The following CCL25 variants were observed in gnomAD, a reference collection of about 807,000 sequenced individuals.
CCL25 encodes C-C motif chemokine ligand 25, also known as C-C motif chemokine 25.
Under a neutral mutation model 19.9 loss-of-function variants are expected in CCL25, and 14 were observed. That is an observed-to-expected ratio of 0.70 (90% CI 0.47 to 1.10). The LOEUF (loss-of-function observed/expected upper bound fraction) is 1.10. Among genes scored for constraint, CCL25 ranks in the 50% least tolerant of loss-of-function variants. The probability of loss-of-function intolerance (pLI) is 0.00; values close to 1 mark genes in which losing one functional copy is unlikely to be tolerated. For missense variants in CCL25, 151 were observed against 181.2 expected (o/e 0.83, Z 0.96); for synonymous variants, 68 against 73.2 (o/e 0.93, Z 0.36).
At chr19:8,056,060 G>A in intron 2 of CCL25, 92 bp from the exon 3 acceptor site, 2 of 828,918 alleles carry the variant, frequency 2.4e-6, no homozygotes, top group Non-Finnish European at 3.9e-6. Context: ...GGTATGAGCA[G>A]ACAGGTATGC....
At position 8,058,019 on chromosome 19, in the gene CCL25, A is replaced by G. The variant is rs1457066284; in HGVS notation, c.445+99A>G. The G allele has an allele frequency of 1.4e-5, 21 of 1,504,114 alleles. No homozygotes were observed. In the East Asian group the frequency reaches 1.5e-4, roughly 11 times the overall value. The allele number at this position is 1,504,114 out of a possible 1,614,324, so 93.2% of individuals were successfully genotyped here. ...ACACTGGGACAGGAGATTCACCTCCAGGACCCAGGAGAGGTGGTTGTGCGG... is the reference window on the plus strand; with the variant it reads ...ACACTGGGACAGGAGATTCACCTCCGGGACCCAGGAGAGGTGGTTGTGCGG... On this transcript the variant is annotated intron_variant, in intron 5 of 5. Transcript: ENST00000315626.
chr19:8,057,728 C>T, intron 4 of CCL25, 73 bp from the exon 5 acceptor site: 1 of 1,512,072 alleles, frequency 6.6e-7, no homozygotes, highest in Non-Finnish European at 8.9e-7. Flanking sequence ...TCAACAGCTT[C>T]AGGCTCAGCT....
At chr19:8,053,547 A>ATTTT (rs57912076) in intron 2 of CCL25, among the ~76,000 whole-genome samples, 4 of 120,678 alleles carry the variant, frequency 3.3e-5, no homozygotes, top group Non-Finnish European at 3.4e-5. Flanking sequence ...CTCCTAAACC[A>ATTTT]TTTTTTTTTT....
chr19:8,052,591 AG>A (rs1271839547), upstream of CCL25, among the ~76,000 whole-genome samples: 3 of 147,454 alleles, frequency 2.0e-5, no homozygotes, highest in African/African-American at 7.5e-5. Context: ...TGGGATGGGG[AG>A]TGGGGAGGCA....
At chr19:8,056,705 G>A (rs1004706824) in intron 4 of CCL25, among the ~76,000 whole-genome samples, 1 of 152,124 alleles carries the variant, frequency 6.6e-6, no homozygotes, top group African/African-American at 2.4e-5. Flanking sequence ...CTGGAGATGG[G>A]GTCTTGCTCT....
chr19:8,052,841 C>A lies in CCL25; in HGVS notation c.-51+19C>A, dbSNP rs1050228943. 3.9e-6 allele frequency: 2 copies of A among 516,642 alleles called. No individual in the cohort carries two copies. The highest frequency in any genetic ancestry group is 1.9e-5 in the African/African-American group (1 of 52,168). The allele number at this position is 516,642 out of a possible 1,614,324, so 32.0% of individuals were successfully genotyped here. A position where few individuals can be genotyped will look rare whatever the true frequency, so the allele number is the denominator to read the frequency against. On this transcript the variant is annotated intron_variant, in intron 1 of 5. Coordinates refer to ENST00000315626, the MANE Select transcript of CCL25 (RefSeq NM_005624.4). ...GATATCGGTGAGTCTTTTCCTTGAA[C>A]ATGACTGAGATGAACAGCTTTTCCC...
At chr19:8,057,139 G>T (rs944223854) in intron 4 of CCL25, among the ~76,000 whole-genome samples, 3 of 91,860 alleles carry the variant, frequency 3.3e-5, no homozygotes, top group Admixed American at 1.2e-4. Context: ...TCCCGCCTCA[G>T]CCCCCTAAGT....
intron 5 of CCL25, among the ~76,000 whole-genome samples, chr19:8,060,555 C>T (rs967939168): frequency 6.6e-6 from 1 of 152,082 alleles, no homozygotes; most frequent in Non-Finnish European, 1.5e-5. Flanking sequence ...GTCTCACTCT[C>T]TCCGCCAGGC....
At position 8,053,044 on chromosome 19, in the gene CCL25, T is replaced by A; in HGVS notation, c.-6T>A. On this transcript the variant is annotated 5_prime_UTR_variant, in exon 2 of 6. Transcript: ENST00000315626. Reference sequence around the variant, plus strand: ...AGGTGCCCAGGGAGGAGGACCCGCCTGCAGCATGAACCTGTGGCTCCTGGC... The same window carrying A: ...AGGTGCCCAGGGAGGAGGACCCGCCAGCAGCATGAACCTGTGGCTCCTGGC... The A allele has an allele frequency of 6.5e-7, 1 of 1,549,880 alleles. No individual in the cohort carries two copies. Among genetic ancestry groups the A allele is most frequent in the Non-Finnish European group, 8.7e-7 (1 of 1,146,550 alleles).
intron 2 of CCL25, among the ~76,000 whole-genome samples, chr19:8,055,541 A>G (rs567759207): frequency 8.5e-4 from 129 of 151,442 alleles, no homozygotes; most frequent in African/African-American, 1.9e-3. Flanking sequence ...TCACCGTGTT[A>G]GCCAGGATGG....
At chr19:8,057,383 G>A (rs1366378207) in intron 4 of CCL25, among the ~76,000 whole-genome samples, 4 of 152,032 alleles carry the variant, frequency 2.6e-5, no homozygotes, top group Non-Finnish European at 4.4e-5. Context: ...AGGCTGGAGT[G>A]CAGTGGCACA....
chr19:8,060,773 C>T (rs2081312337), intron 5 of CCL25, among the ~76,000 whole-genome samples: 1 of 151,652 alleles, frequency 6.6e-6, no homozygotes, highest in Non-Finnish European at 1.5e-5. Flanking sequence ...CTCTGCCTCC[C>T]GGGTTCACGC....
At position 8,057,885 on chromosome 19, in the gene CCL25, A is replaced by G. The variant is rs199862339; in HGVS notation, c.410A>G (p.Lys137Arg). Reference sequence around the variant, plus strand: ...TTTAGCAATCCCATCAGCAGCAGTAAGAGGAATGTCTCCCTCCTGATATCA... The same window carrying G: ...TTTAGCAATCCCATCAGCAGCAGTAGGAGGAATGTCTCCCTCCTGATATCA... Reference protein sequence around the residue: ...SKFSNPISSSKRNVSLLISAN... With the variant: ...SKFSNPISSSRRNVSLLISAN... Residue 137 changes from lysine (K) to arginine (R), a missense_variant, in exon 5 of 6, where the codon AAG becomes AGG. Transcript: ENST00000315626. 1.2e-6 allele frequency: 2 copies of G among 1,613,276 alleles called. No individual in the cohort carries two copies. The highest frequency in any genetic ancestry group is 3.3e-5 in the Admixed American group (2 of 59,992).
intron 5 of CCL25, among the ~76,000 whole-genome samples, chr19:8,059,209 AT>A (rs1228272486): frequency 7.6e-6 from 1 of 131,516 alleles, no homozygotes; most frequent in Non-Finnish European, 1.6e-5. Context: ...TATAATTAAT[AT>A]TTTTTTATGG....
chr19:8,052,878 T>C, intron 1 of CCL25, 56 bp downstream of exon 1: 3 of 537,030 alleles, frequency 5.6e-6, no homozygotes, highest in Non-Finnish European at 1.0e-5. Context: ...CCAGCACAAC[T>C]TGTTCCTACT....
chr19:8,062,242 G>A lies in CCL25; in HGVS notation c.*17G>A, dbSNP rs1289700263. 1 of 1,612,678 alleles carries A rather than the reference G, an allele frequency of 6.2e-7. No homozygotes were observed. The highest frequency in any genetic ancestry group is 1.3e-5 in the African/African-American group (1 of 74,838). ...GGACTGTGAGCCGGCTCATTTCTGG[G>A]CTCCATCGGCACAGGAGGGGCCGGA... is the stretch of plus-strand genomic sequence containing the variant. On this transcript the variant is annotated 3_prime_UTR_variant, in exon 6 of 6. Transcript: ENST00000315626.
chr19:8,059,168 A>C (rs865789136), intron 5 of CCL25, among the ~76,000 whole-genome samples: 2 of 75,662 alleles, frequency 2.6e-5, no homozygotes, highest in Non-Finnish European at 5.1e-5. Flanking sequence ...ATAATATATA[A>C]TATATATAAT....
At chr19:8,059,159 TA>T (rs1397667609) in intron 5 of CCL25, among the ~76,000 whole-genome samples, 2 of 32,778 alleles carry the variant, frequency 6.1e-5, no homozygotes, top group African/African-American at 3.2e-4. Flanking sequence ...ATAATATATA[TA>T]ATATATAATA....
chr19:8,062,309 C>A lies in CCL25; in HGVS notation c.*84C>A. The A allele has an allele frequency of 6.8e-7, 1 of 1,468,724 alleles. No homozygotes were observed. The highest frequency in any genetic ancestry group is 2.3e-5 in the East Asian group (1 of 44,060). 91.0% of individuals were successfully genotyped at this position (1,468,724 alleles called of 1,614,324 possible). A position where few individuals can be genotyped will look rare whatever the true frequency, so the allele number is the denominator to read the frequency against. Reference sequence around the variant, plus strand: ...CCGTCGCCCTACAGACCCAGCTGTCCCCACGCCTCTGTCTTTTGGGTCAAG... The same window carrying A: ...CCGTCGCCCTACAGACCCAGCTGTCACCACGCCTCTGTCTTTTGGGTCAAG... On this transcript the variant is annotated 3_prime_UTR_variant, in exon 6 of 6. Coordinates refer to ENST00000315626, the MANE Select transcript of CCL25 (RefSeq NM_005624.4).
Sources: allele counts gnomAD v4.1 joint callset (sites outside exome capture counted in the v4.1 genomes callset), GRCh38; gene constraint gnomAD v4.1.1; transcripts MANE v1.5; gene names NCBI Gene and HGNC (gene_info 2026-07-23, HGNC 2026-07-21).